AP2B1: variants seen among roughly 807,000 people sequenced by gnomAD.
The protein encoded by AP2B1 is AP-2 complex subunit beta.
Under a neutral mutation model 102.0 loss-of-function variants are expected in AP2B1, and 23 were observed. The ratio of observed to expected loss-of-function variants is 0.23; its 90% CI spans 0.16 to 0.32. The LOEUF (loss-of-function observed/expected upper bound fraction) is 0.32, where lower values mean the gene tolerates loss of function less well. AP2B1 is among the 10% of genes least tolerant of loss of function. AP2B1 has a pLI of 1.00. For synonymous variants in AP2B1, 381 were observed against 421.2 expected (o/e 0.90, Z 1.17); for missense variants, 541 against 1,157.4 (o/e 0.47, Z 7.73).
intron 5 of AP2B1, among the ~76,000 whole-genome samples, chr17:35,621,019 G>C (rs2074160932): frequency 1.3e-5 from 2 of 152,172 alleles, no homozygotes; most frequent in South Asian, 4.1e-4. Context: ...TAGTATACAG[G>C]TGAGTCAAGG....
chr17:35,591,799 A>G (rs1372734919), intron 1 of AP2B1, among the ~76,000 whole-genome samples: 1 of 152,240 alleles, frequency 6.6e-6, no homozygotes, highest in African/African-American at 2.4e-5. Flanking sequence ...TGATTATAAC[A>G]TTCTTTGAAT....
At chr17:35,590,549 A>G (rs2073060155) in intron 1 of AP2B1, among the ~76,000 whole-genome samples, 1 of 152,126 alleles carries the variant, frequency 6.6e-6, no homozygotes, top group Admixed American at 6.6e-5. Context: ...GCTTGGCACC[A>G]TGTTTCTCTG....
At chr17:35,590,070 C>T (rs992318423) in intron 1 of AP2B1, among the ~76,000 whole-genome samples, 4 of 151,914 alleles carry the variant, frequency 2.6e-5, no homozygotes, top group Admixed American at 1.3e-4. Flanking sequence ...GGACTACAGG[C>T]GCCCGCCACA....
At chr17:35,593,097 C>T (rs1476126591) in intron 1 of AP2B1, among the ~76,000 whole-genome samples, 1 of 152,042 alleles carries the variant, frequency 6.6e-6, no homozygotes, top group Non-Finnish European at 1.5e-5. Context: ...AGTCTTTTGC[C>T]TTGTTTTTAA....
intron 17 of AP2B1, among the ~76,000 whole-genome samples, chr17:35,680,014 C>T (rs2075783174): frequency 6.6e-6 from 1 of 151,784 alleles, no homozygotes. Context: ...GCAACCTCCG[C>T]CTCCCGGGTT....
rs543382761 is a variant in AP2B1, at chr17:35,620,694, G to A, written c.526-3703G>A. ...TGACTGGGTGTGGTGGTACAAGCCT[G>A]TAGTCCTGGCTACTCAGGAGGCTGA... On this transcript the variant is annotated intron_variant, in intron 5 of 21. Transcript: ENST00000610402. Among the ~76,000 whole-genome samples the A allele has an allele frequency of 3.9e-5, 6 of 152,216 alleles. No homozygotes were observed. In the East Asian group the frequency reaches 7.7e-4, roughly 20 times the overall value.
At chr17:35,657,943 C>T in intron 14 of AP2B1, 152 bp downstream of exon 14, 1 of 630,346 alleles carries the variant, frequency 1.6e-6, no homozygotes, top group Non-Finnish European at 2.7e-6. Flanking sequence ...TTTAGTAAGA[C>T]AAAATTATAA....
At chr17:35,714,707 CGAGA>C (rs1409654223) in intron 20 of AP2B1, among the ~76,000 whole-genome samples, 1 of 151,282 alleles carries the variant, frequency 6.6e-6, no homozygotes, top group Admixed American at 6.6e-5. Flanking sequence ...AAGACTCTGT[CGAGA>C]GAGAGAGAGA....
chr17:35,648,524 G>GCATACATA (rs71366470), intron 12 of AP2B1, among the ~76,000 whole-genome samples: 27 of 150,076 alleles, frequency 1.8e-4, no homozygotes, highest in South Asian at 4.3e-4. Flanking sequence ...CAAAATACAT[G>GCATACATA]CATACATACA....
intron 1 of AP2B1, among the ~76,000 whole-genome samples, chr17:35,591,171 CAAAAAAAAAAA>C (rs35271211): frequency 1.5e-5 from 1 of 68,936 alleles, no homozygotes; most frequent in Non-Finnish European, 3.0e-5. Flanking sequence ...GATTTTGTCT[CAAAAAAAAAAA>C]AAAAAAAAAA....
intron 3 of AP2B1, among the ~76,000 whole-genome samples, chr17:35,599,669 C>T (rs183028804): frequency 4.6e-5 from 7 of 152,048 alleles, no homozygotes; most frequent in African/African-American, 1.2e-4. Flanking sequence ...TTTGGGAGGC[C>T]GAGGCAGGCG....
intron 20 of AP2B1, among the ~76,000 whole-genome samples, chr17:35,710,907 A>G (rs2143008326): frequency 6.6e-6 from 1 of 152,216 alleles, no homozygotes; most frequent in African/African-American, 2.4e-5. Context: ...ATCTCTATAA[A>G]AGAAAAAAAA....
At chr17:35,607,908 G>A (rs2073740711) in intron 4 of AP2B1, 1 of 507,644 alleles carries the variant, frequency 2.0e-6, no homozygotes, top group Non-Finnish European at 3.5e-6. Flanking sequence ...GAATCCTGCT[G>A]AGCTGTTTCT....
At chr17:35,714,841 A>G (rs1243911100) in intron 20 of AP2B1, among the ~76,000 whole-genome samples, 2 of 152,246 alleles carry the variant, frequency 1.3e-5, no homozygotes, top group African/African-American at 2.4e-5. Flanking sequence ...AGATGATATC[A>G]TCAGCACACA....
At chr17:35,669,142 CT>C (rs11340791) in intron 14 of AP2B1, among the ~76,000 whole-genome samples, 115,013 of 135,608 alleles carry the variant, frequency 0.85, 48,929 homozygotes, top group East Asian at 0.96. Context: ...TTGGGGATGC[CT>C]TTTTTTTTTT....
At chr17:35,685,151 T>G (rs2075904399) in intron 18 of AP2B1, among the ~76,000 whole-genome samples, 1 of 152,246 alleles carries the variant, frequency 6.6e-6, no homozygotes, top group South Asian at 2.1e-4. Context: ...ATGGATTCTC[T>G]TCTTTTGGGG....
intron 14 of AP2B1, 77 bp from the exon 15 acceptor site, chr17:35,670,780 C>T: frequency 2.1e-6 from 3 of 1,452,882 alleles, no homozygotes; most frequent in East Asian, 2.3e-5. Context: ...GAGCAATTTA[C>T]AGATTCTATA....
chr17:35,617,040 T>C (rs750446084), intron 5 of AP2B1, among the ~76,000 whole-genome samples: 6 of 152,176 alleles, frequency 3.9e-5, no homozygotes, highest in Non-Finnish European at 7.4e-5. Flanking sequence ...AAGCCCCTAA[T>C]AATAACAAAC....
intron 1 of AP2B1, chr17:35,587,972 A>T (rs923953979): frequency 6.6e-6 from 1 of 152,158 alleles, no homozygotes; most frequent in African/African-American, 2.4e-5. Context: ...AAGAAGAGGC[A>T]TTCCTTACTC....
Sources: gnomAD v4.1 joint callset for allele counts (sites outside exome capture counted in the v4.1 genomes callset) on GRCh38, gnomAD v4.1.1 for gene constraint, MANE v1.5 for transcripts, NCBI Gene and HGNC (gene_info 2026-07-23, HGNC 2026-07-21) for gene names.